SORCS2: variants seen among roughly 807,000 people sequenced by gnomAD.
The protein encoded by SORCS2 is sortilin related VPS10 domain containing receptor 2.
Under a neutral mutation model 141.6 loss-of-function variants are expected in SORCS2, and 100 were observed. The observed-to-expected ratio is 0.71, with a 90% CI of 0.60 to 0.83. The LOEUF (loss-of-function observed/expected upper bound fraction) is 0.83. Ranked by LOEUF, SORCS2 falls within the 40% of genes least tolerant of loss-of-function variation. The pLI, the probability that SORCS2 is intolerant of heterozygous loss-of-function variation, is 0.00. For missense variants in SORCS2, 1,646 were observed against 1,560.2 expected (o/e 1.05, Z -0.93); for synonymous variants, 789 against 676.9 (o/e 1.17, Z -2.57).
chr4:7,332,675 A>T (rs1719727642), intron 1 of SORCS2, among the ~76,000 whole-genome samples: 1 of 152,212 alleles, frequency 6.6e-6, no homozygotes, highest in African/African-American at 2.4e-5. Context: ...GCAGATGGGG[A>T]AGTCACACCC....
intron 2 of SORCS2, chr4:7,433,362 C>T (rs1375650656): frequency 6.9e-7 from 1 of 1,449,070 alleles, no homozygotes; most frequent in African/African-American, 1.4e-5. Flanking sequence ...ATACATGCTT[C>T]TGGCAGTGTT....
intron 3 of SORCS2, among the ~76,000 whole-genome samples, chr4:7,547,227 C>G (rs566669206): frequency 2.6e-5 from 4 of 152,300 alleles, no homozygotes; most frequent in African/African-American, 7.2e-5. Context: ...CTGGGCCTGT[C>G]TCCATTTCCT....
At chr4:7,620,514 C>G (rs1719095111) in intron 3 of SORCS2, among the ~76,000 whole-genome samples, 1 of 152,204 alleles carries the variant, frequency 6.6e-6, no homozygotes, top group African/African-American at 2.4e-5. Context: ...AGGCGAGGGG[C>G]TCCTGTCAAC....
chr4:7,287,997 G>A (rs376509716), intron 1 of SORCS2, among the ~76,000 whole-genome samples: 7 of 152,226 alleles, frequency 4.6e-5, no homozygotes, highest in African/African-American at 1.2e-4. Context: ...GGGAGAGCCC[G>A]TTGCTGGCGT....
intron 1 of SORCS2, among the ~76,000 whole-genome samples, chr4:7,369,413 G>A (rs1298747869): frequency 6.6e-6 from 1 of 152,166 alleles, no homozygotes; most frequent in Non-Finnish European, 1.5e-5. Flanking sequence ...AATACAATAA[G>A]TAAGTGCCCA....
chr4:7,478,123 G>A (rs1001641890), intron 2 of SORCS2, among the ~76,000 whole-genome samples: 1 of 152,198 alleles, frequency 6.6e-6, no homozygotes, highest in Non-Finnish European at 1.5e-5. Flanking sequence ...CAGAGGCTGG[G>A]GTCCCGCAGC....
intron 2 of SORCS2, among the ~76,000 whole-genome samples, chr4:7,399,579 G>T (rs1248360026): frequency 6.6e-6 from 1 of 152,048 alleles, no homozygotes; most frequent in Non-Finnish European, 1.5e-5. Context: ...TCAATCTCAG[G>T]CCCCCTTGAA....
chr4:7,335,124 G>T (rs1457078456), intron 1 of SORCS2, among the ~76,000 whole-genome samples: 1 of 152,154 alleles, frequency 6.6e-6, no homozygotes, highest in Non-Finnish European at 1.5e-5. Context: ...GCCCAGAGCT[G>T]GGAATCTGTG....
intron 1 of SORCS2, among the ~76,000 whole-genome samples, chr4:7,359,053 C>A (rs1186063520): frequency 6.6e-6 from 1 of 152,150 alleles, no homozygotes; most frequent in Non-Finnish European, 1.5e-5. Flanking sequence ...CCTAGTACTT[C>A]GGGAGGCCGA....
At chr4:7,606,876 A>G (rs191203695) in intron 3 of SORCS2, among the ~76,000 whole-genome samples, 1 of 152,298 alleles carries the variant, frequency 6.6e-6, no homozygotes, top group Admixed American at 6.5e-5. Flanking sequence ...TTACTTTTGC[A>G]CCAACCTAAT....
intron 20 of SORCS2, among the ~76,000 whole-genome samples, chr4:7,725,951 C>A (rs1727188974): frequency 6.6e-6 from 1 of 152,230 alleles, no homozygotes; most frequent in Non-Finnish European, 1.5e-5. Flanking sequence ...AGAAGGAGCT[C>A]AGGGTCTGGG....
At chr4:7,210,587 C>T (rs1031988102) in intron 1 of SORCS2, among the ~76,000 whole-genome samples, 1 of 152,164 alleles carries the variant, frequency 6.6e-6, no homozygotes, top group African/African-American at 2.4e-5. Context: ...GGATCAAACG[C>T]TTGACCTTGA....
In SORCS2 at chr4:7,690,932, A is replaced by G. The variant is rs146841205; in HGVS notation, c.1591+1344A>G. ...TAAATAATACCATAAAATGAGGTTG[A>G]TTTGCTTTAGAAGAACCATTCAAAA... On this transcript the variant is annotated intron_variant, in intron 11 of 26. Coordinates refer to ENST00000507866, the MANE Select transcript of SORCS2 (RefSeq NM_020777.3). Among the ~76,000 whole-genome samples, 845 of 152,330 alleles carry G rather than the reference A, an allele frequency of 5.5e-3. 3 individuals are homozygous for G. The highest frequency in any genetic ancestry group is 0.01 in the Middle Eastern group (3 of 294).
rs897679448 is a variant in SORCS2 at position 7,741,803 on chromosome 4, G to A, written c.*1539G>A. On this transcript the variant is annotated 3_prime_UTR_variant, in exon 27 of 27. Coordinates refer to ENST00000507866, the MANE Select transcript of SORCS2 (RefSeq NM_020777.3). ...CTCCCATCCACCATGTCTGAGCTTG[G>A]GGGAATTGCCTCATTTCCCCTGGAA... 3 of 152,664 alleles carry A rather than the reference G, an allele frequency of 2.0e-5. No individual in the cohort carries two copies. The highest frequency in any genetic ancestry group is 4.4e-5 in the Non-Finnish European group (3 of 68,402). The allele number at this position is 152,664 out of a possible 1,614,324, so 9.5% of individuals were successfully genotyped here. A position where few individuals can be genotyped will look rare whatever the true frequency, so the allele number is the denominator to read the frequency against.
intron 12 of SORCS2, among the ~76,000 whole-genome samples, chr4:7,699,199 C>T (rs1016643468): frequency 6.6e-6 from 1 of 152,284 alleles, no homozygotes; most frequent in Middle Eastern, 3.4e-3. Context: ...CTGCTCTCCC[C>T]ACCCGGCCCT....
chr4:7,327,102 G>A (rs1288839205), intron 1 of SORCS2, among the ~76,000 whole-genome samples: 1 of 152,250 alleles, frequency 6.6e-6, no homozygotes, highest in Admixed American at 6.5e-5. Flanking sequence ...TGGCAGGCCT[G>A]CAGAGTTAGG....
chr4:7,656,728 T>C (rs1387309621), intron 5 of SORCS2, among the ~76,000 whole-genome samples: 5 of 152,274 alleles, frequency 3.3e-5, no homozygotes, highest in African/African-American at 1.2e-4. Flanking sequence ...TCAGCCTTCC[T>C]CTCCATTCGC....
chr4:7,397,838 C>T (rs949574333), intron 2 of SORCS2, among the ~76,000 whole-genome samples: 3 of 152,202 alleles, frequency 2.0e-5, no homozygotes, highest in African/African-American at 7.2e-5. Context: ...TCCTCGGTGA[C>T]AAAGCGGACG....
chr4:7,406,614 A>G (rs568546948), intron 2 of SORCS2, among the ~76,000 whole-genome samples: 3 of 149,398 alleles, frequency 2.0e-5, no homozygotes, highest in East Asian at 2.0e-4. Flanking sequence ...ATTTATTTTG[A>G]GTTTTCTCTC....
Sources: allele counts gnomAD v4.1 joint callset (sites outside exome capture counted in the v4.1 genomes callset), GRCh38; gene constraint gnomAD v4.1.1; transcripts MANE v1.5; gene names NCBI Gene and HGNC (gene_info 2026-07-23, HGNC 2026-07-21).